Variants in SYNE1 observed in about 807,000 individuals in gnomAD.
SYNE1 encodes nesprin-1.
Under a neutral mutation model 1,111.0 loss-of-function variants are expected in SYNE1, and 616 were observed. The observed-to-expected ratio is 0.55, with a 90% CI of 0.52 to 0.59. The LOEUF (loss-of-function observed/expected upper bound fraction) is 0.59, where lower values mean the gene tolerates loss of function less well. Ranked by LOEUF, SYNE1 falls within the 20% of genes least tolerant of loss-of-function variation. SYNE1 has a pLI of 0.00. For synonymous variants in SYNE1, 3,855 were observed against 3,825.8 expected (o/e 1.01, Z -0.28); for missense variants, 10,006 against 10,417.0 (o/e 0.96, Z 1.72).
Position 152,369,131 on chromosome 6 carries a change from A to G in SYNE1, c.9652-4T>C, listed in dbSNP as rs752555691. On this transcript the variant is annotated splice_region_variant and splice_polypyrimidine_tract_variant and intron_variant, in intron 60 of 145. Transcript: ENST00000367255. ...AGTGTATTTCCTCAAGGACAGACTG[A>G]AAAGCACAAGCAAGTTACTATTCAG... 5.6e-6 allele frequency: 9 copies of G among 1,612,874 alleles called. No individual in the cohort carries two copies. In the South Asian group the frequency reaches 8.8e-5, roughly 16 times the overall value.
intron 14 of SYNE1, among the ~76,000 whole-genome samples, chr6:152,478,925 C>T (rs1421441454): frequency 1.3e-5 from 2 of 152,108 alleles, no homozygotes; most frequent in African/African-American, 2.4e-5. Context: ...AAGTGAAATA[C>T]GGACAAGGCA....
At chr6:152,604,714 C>A (rs1026585014) in intron 3 of SYNE1, among the ~76,000 whole-genome samples, 18 of 151,538 alleles carry the variant, frequency 1.2e-4, no homozygotes, top group Admixed American at 5.9e-4. Context: ...TCAAGGCAGG[C>A]GGATCACTTG....
chr6:152,154,802 T>G, intron 133 of SYNE1, 90 bp downstream of exon 133: 1 of 1,446,258 alleles, frequency 6.9e-7, no homozygotes, highest in Admixed American at 1.7e-5. Flanking sequence ...TAACATGTGG[T>G]GAACAGCTAG....
intron 124 of SYNE1, among the ~76,000 whole-genome samples, chr6:152,210,886 A>C (rs758641945): frequency 1.3e-5 from 2 of 152,196 alleles, no homozygotes; most frequent in Non-Finnish European, 2.9e-5. Flanking sequence ...AAAGGAAGAA[A>C]AGATTTCAGG....
At chr6:152,438,048 A>T (rs1181959005) in intron 32 of SYNE1, among the ~76,000 whole-genome samples, 1 of 152,216 alleles carries the variant, frequency 6.6e-6, no homozygotes, top group Non-Finnish European at 1.5e-5. Flanking sequence ...GTTACTTCAG[A>T]GAACTACGTT....
chr6:152,369,448 C>T (rs1487051372), intron 60 of SYNE1, 23 bp downstream of exon 60: 3 of 1,613,956 alleles, frequency 1.9e-6, no homozygotes, highest in Non-Finnish European at 2.5e-6. Context: ...TCAGATGGGG[C>T]TACGGGGAGG....
intron 51 of SYNE1, 143 bp downstream of exon 51, chr6:152,395,373 C>T (rs1201772222): frequency 1.2e-6 from 1 of 817,668 alleles, no homozygotes; most frequent in East Asian, 2.5e-5. Flanking sequence ...CAGCATAGTC[C>T]TCTGTATTCC....
chr6:152,370,270 C>T (rs748236413), intron 59 of SYNE1, among the ~76,000 whole-genome samples: 8 of 152,098 alleles, frequency 5.3e-5, no homozygotes, highest in Non-Finnish European at 1.2e-4. Flanking sequence ...CACAGGTGTG[C>T]CTTGTCTCCA....
At chr6:152,563,204 C>G (rs2099400638) in intron 3 of SYNE1, among the ~76,000 whole-genome samples, 2 of 152,016 alleles carry the variant, frequency 1.3e-5, no homozygotes, top group African/African-American at 2.4e-5. Flanking sequence ...GGTAAATTAT[C>G]CTAATTCAGT....
At chr6:152,183,505 G>T (rs1441932346) in intron 128 of SYNE1, among the ~76,000 whole-genome samples, 1 of 152,100 alleles carries the variant, frequency 6.6e-6, no homozygotes, top group Non-Finnish European at 1.5e-5. Flanking sequence ...GGAGGCTGAG[G>T]CAGGAGAATC....
At chr6:152,321,987 G>A (rs1025876793) in intron 82 of SYNE1, 101 bp from the exon 83 acceptor site, 4 of 1,327,074 alleles carry the variant, frequency 3.0e-6, no homozygotes, top group South Asian at 1.2e-5. Flanking sequence ...GGGAAACCTA[G>A]TATCTTTTTT....
rs138962149 is a variant in SYNE1, at chr6:152,610,742, G to A, written c.67+17523C>T. On this transcript the variant is annotated intron_variant, in intron 3 of 145. Coordinates refer to ENST00000367255, the MANE Select transcript of SYNE1 (RefSeq NM_182961.4). Reference sequence around the variant, plus strand: ...AGGAAAAATGGTAAGGGCAGCCAGAGAGATAGGTCGGGTTACCCATAAAGG... The same window carrying A: ...AGGAAAAATGGTAAGGGCAGCCAGAAAGATAGGTCGGGTTACCCATAAAGG... Among the ~76,000 whole-genome samples, 5 of 152,306 alleles carry A rather than the reference G, an allele frequency of 3.3e-5. No homozygotes were observed. The East Asian group carries it at 9.7e-4, about 29-fold the overall frequency.
At position 152,268,168 on chromosome 6, in the gene SYNE1, G is replaced by A. The variant is rs2092882682; in HGVS notation, c.18706-3C>T. On this transcript the variant is annotated splice_region_variant and splice_polypyrimidine_tract_variant and intron_variant, in intron 99 of 145. Coordinates refer to ENST00000367255, the MANE Select transcript of SYNE1 (RefSeq NM_182961.4). ...TCGGCTAATTCCTGTTCTAACTCCT[G>A]CTCAAGGGAAAGGACAAACGCAAAC... 7 of 1,611,788 alleles carry A rather than the reference G, an allele frequency of 4.3e-6. No homozygotes were observed. The highest frequency in any genetic ancestry group is 5.9e-6 in the Non-Finnish European group (7 of 1,177,860).
Position 152,409,722 on chromosome 6 carries a change from A to G in SYNE1, c.6231-13T>C. Reference sequence around the variant, plus strand: ...GCACTGACCCTGACTGTAATGATTAAAGAAAATATATTATTTGGTGTCATG... The same window carrying G: ...GCACTGACCCTGACTGTAATGATTAGAGAAAATATATTATTTGGTGTCATG... On this transcript the variant is annotated splice_polypyrimidine_tract_variant and intron_variant, in intron 42 of 145. Transcript: ENST00000367255. 6.2e-7 allele frequency: 1 copy of G among 1,613,020 alleles called. No individual in the cohort carries two copies. Among genetic ancestry groups the G allele is most frequent in the South Asian group, 1.1e-5 (1 of 91,058 alleles).
At chr6:152,290,222 C>G (rs1332992902) in intron 95 of SYNE1, among the ~76,000 whole-genome samples, 1 of 152,122 alleles carries the variant, frequency 6.6e-6, no homozygotes, top group East Asian at 1.9e-4. Context: ...AGTACAACAG[C>G]CACAAGTCAG....
At chr6:152,379,982 C>T (rs2097373001) in intron 56 of SYNE1, among the ~76,000 whole-genome samples, 1 of 152,180 alleles carries the variant, frequency 6.6e-6, no homozygotes, top group Admixed American at 6.5e-5. Context: ...GAGCAATTAT[C>T]AACTTCTTTG....
intron 28 of SYNE1, among the ~76,000 whole-genome samples, chr6:152,449,210 TAC>T (rs1339647210): frequency 6.6e-6 from 1 of 152,202 alleles, no homozygotes; most frequent in Admixed American, 6.5e-5. Context: ...TATAAAAGCA[TAC>T]AGTGTTCTTG....
At chr6:152,404,179 G>T in intron 46 of SYNE1, 34 bp downstream of exon 46, 1 of 1,479,368 alleles carries the variant, frequency 6.8e-7, no homozygotes, top group Non-Finnish European at 9.4e-7. Flanking sequence ...TTACAAAATG[G>T]ATGGAAGTCT....
At chr6:152,122,741 C>A in intron 145 of SYNE1, 65 bp from the exon 146 acceptor site, 1 of 1,607,228 alleles carries the variant, frequency 6.2e-7, no homozygotes, top group Non-Finnish European at 8.5e-7. Flanking sequence ...TGCTTTTTGC[C>A]TCTGCACCTT....
Sources: gnomAD v4.1 joint callset for allele counts (sites outside exome capture counted in the v4.1 genomes callset) on GRCh38, gnomAD v4.1.1 for gene constraint, MANE v1.5 for transcripts, NCBI Gene and HGNC (gene_info 2026-07-23, HGNC 2026-07-21) for gene names.